LAMA2: variants seen among roughly 807,000 people sequenced by gnomAD.
LAMA2 encodes the protein laminin subunit alpha 2.
A neutral mutation model predicts 364.8 loss-of-function variants in LAMA2; 269 were observed. The ratio of observed to expected loss-of-function variants is 0.74; its 90% CI spans 0.67 to 0.82. The LOEUF (loss-of-function observed/expected upper bound fraction) is 0.82, where lower values mean the gene tolerates loss of function less well. LAMA2 is among the 40% of genes least tolerant of loss of function. The pLI is 0.00. For synonymous variants in LAMA2, 1,379 were observed against 1,370.6 expected (o/e 1.01, Z -0.14); for missense variants, 3,807 against 3,873.2 (o/e 0.98, Z 0.45).
At chr6:129,472,495 T>C (rs910865100) in intron 51 of LAMA2, among the ~76,000 whole-genome samples, 27 of 151,908 alleles carry the variant, frequency 1.8e-4, no homozygotes, top group Non-Finnish European at 7.4e-5. Context: ...CCTGTCTGCT[T>C]TCTAAACAAT....
chr6:129,333,177 C>T (rs1349293016), intron 29 of LAMA2, among the ~76,000 whole-genome samples: 1 of 152,122 alleles, frequency 6.6e-6, no homozygotes, highest in Non-Finnish European at 1.5e-5. Context: ...CAGGCATGAA[C>T]CACCAAACCT....
intron 14 of LAMA2, among the ~76,000 whole-genome samples, chr6:129,260,445 C>G (rs1787037631): frequency 6.6e-6 from 1 of 152,070 alleles, no homozygotes; most frequent in African/African-American, 2.4e-5. Context: ...AAAATCAAAA[C>G]ACATAGCCAA....
chr6:129,251,074 CTCTATATATATATA>C (rs1335159021), intron 13 of LAMA2, among the ~76,000 whole-genome samples: 1 of 60,530 alleles, frequency 1.7e-5, no homozygotes, highest in South Asian at 5.5e-4. Context: ...CTCTCTCTCT[CTCTATATATATATA>C]TATATATATA....
chr6:128,891,821 TAAA>T (rs560963914), intron 1 of LAMA2, among the ~76,000 whole-genome samples: 6 of 152,072 alleles, frequency 3.9e-5, no homozygotes, highest in Non-Finnish European at 8.8e-5. Context: ...TAGCCTACAA[TAAA>T]AACTCTTATC....
chr6:129,049,892 C>T, intron 1 of LAMA2, 26 bp from the exon 2 acceptor site: 3 of 1,605,768 alleles, frequency 1.9e-6, no homozygotes, highest in African/African-American at 1.3e-5. Context: ...CTGGTCTACA[C>T]ACCTTCATTT....
intron 1 of LAMA2, among the ~76,000 whole-genome samples, chr6:129,020,537 G>C (rs1233902933): frequency 6.6e-6 from 1 of 152,110 alleles, no homozygotes; most frequent in Non-Finnish European, 1.5e-5. Context: ...ACAAGCTGTG[G>C]GAGTGTGAGG....
intron 32 of LAMA2, among the ~76,000 whole-genome samples, chr6:129,354,780 A>G (rs566562233): frequency 9.2e-5 from 14 of 152,312 alleles, no homozygotes; most frequent in Non-Finnish European, 1.5e-4. Context: ...GAGAATTGGC[A>G]TTCTGCCCAT....
At chr6:129,494,709 C>T (rs1003626229) in intron 58 of LAMA2, among the ~76,000 whole-genome samples, 4 of 152,164 alleles carry the variant, frequency 2.6e-5, no homozygotes, top group Non-Finnish European at 4.4e-5. Context: ...GAGTTGATTT[C>T]ATCCTAAAGC....
chr6:129,081,441 A>AT (rs974713243), intron 3 of LAMA2, among the ~76,000 whole-genome samples: 2 of 152,170 alleles, frequency 1.3e-5, no homozygotes, highest in African/African-American at 2.4e-5. Flanking sequence ...TATTTTCTTG[A>AT]TTTTTTCCAA....
In LAMA2 at chr6:129,098,391, G is replaced by A. The variant is rs1775314576; in HGVS notation, c.615G>A (p.Lys205=). 6.2e-7 allele frequency: 1 copy of A among 1,613,824 alleles called. No individual in the cohort carries two copies. The highest frequency in any genetic ancestry group is 1.7e-5 in the Admixed American group (1 of 59,990). Residue 205 remains lysine (K), a synonymous_variant, in exon 4 of 65, where the codon AAG becomes AAA. Coordinates refer to ENST00000421865, the MANE Select transcript of LAMA2 (RefSeq NM_000426.4). The part of the protein sequence containing the change: ...DEVICTSFYS[K]IHPLENGEIH... ...TCATCTGCACTTCATTTTACTCCAAGATACACCCCTTAGAAAATGGAGAGG... is the reference window on the plus strand; with the variant it reads ...TCATCTGCACTTCATTTTACTCCAAAATACACCCCTTAGAAAATGGAGAGG...
chr6:129,486,408 G>A (rs1178375582), intron 55 of LAMA2, 66 bp from the exon 56 acceptor site: 2 of 1,505,514 alleles, frequency 1.3e-6, no homozygotes, highest in Non-Finnish European at 1.8e-6. Flanking sequence ...TTCTGCCAGG[G>A]AATCTCTAAA....
chr6:129,287,801 A>G (rs754817368), intron 18 of LAMA2, 46 bp from the exon 19 acceptor site: 1 of 1,460,306 alleles, frequency 6.8e-7, no homozygotes, highest in South Asian at 1.1e-5. Context: ...ACATTGCCCC[A>G]ACTGAGGTCC....
At chr6:129,129,502 A>G (rs1340232083) in intron 4 of LAMA2, among the ~76,000 whole-genome samples, 10 of 152,200 alleles carry the variant, frequency 6.6e-5, no homozygotes, top group Non-Finnish European at 1.3e-4. Flanking sequence ...TATCAGGGCC[A>G]TTACATCATT....
At chr6:129,503,815 G>A (rs911256965) in intron 60 of LAMA2, among the ~76,000 whole-genome samples, 2 of 152,138 alleles carry the variant, frequency 1.3e-5, no homozygotes, top group African/African-American at 2.4e-5. Context: ...CTGGTTGATC[G>A]TGTTTAAAGG....
intron 1 of LAMA2, among the ~76,000 whole-genome samples, chr6:129,049,624 T>G (rs1471074236): frequency 6.6e-6 from 1 of 152,032 alleles, no homozygotes; most frequent in African/African-American, 2.4e-5. Context: ...ACAGAAGATT[T>G]GTGTTTTAGA....
intron 1 of LAMA2, among the ~76,000 whole-genome samples, chr6:128,969,277 C>T (rs1289193249): frequency 6.6e-6 from 1 of 152,078 alleles, no homozygotes; most frequent in Admixed American, 6.6e-5. Context: ...TGCAATTTAC[C>T]AGAAGTTTTG....
chr6:129,187,344 G>T (rs1270556758), intron 10 of LAMA2, among the ~76,000 whole-genome samples: 1 of 151,732 alleles, frequency 6.6e-6, no homozygotes, highest in Non-Finnish European at 1.5e-5. Flanking sequence ...GTGCACAAAA[G>T]TCCCAGAACA....
intron 7 of LAMA2, 44 bp downstream of exon 7, chr6:129,149,140 C>A: frequency 2.4e-6 from 3 of 1,234,780 alleles, no homozygotes; most frequent in South Asian, 1.2e-5. Context: ...TCTTCCTTTC[C>A]AAGAAAAAAA....
At chr6:128,913,186 A>C (rs1387467010) in intron 1 of LAMA2, among the ~76,000 whole-genome samples, 2 of 152,240 alleles carry the variant, frequency 1.3e-5, no homozygotes, top group Non-Finnish European at 2.9e-5. Context: ...AGTCACTGGC[A>C]TTGATGAGTC....
Sources: gnomAD v4.1 joint callset for allele counts (sites outside exome capture counted in the v4.1 genomes callset) on GRCh38, gnomAD v4.1.1 for gene constraint, MANE v1.5 for transcripts, NCBI Gene and HGNC (gene_info 2026-07-23, HGNC 2026-07-21) for gene names.